SLC25A33: variants seen among roughly 807,000 people sequenced by gnomAD.
SLC25A33 encodes the protein solute carrier family 25 member 33.
A neutral mutation model predicts 35.5 loss-of-function variants in SLC25A33; 15 were observed. That is an observed-to-expected ratio of 0.42 (90% confidence interval 0.28 to 0.65). The LOEUF (loss-of-function observed/expected upper bound fraction) is 0.65, where lower values mean the gene tolerates loss of function less well. Among genes scored for constraint, SLC25A33 ranks in the 30% least tolerant of loss-of-function variants. The pLI is 0.20. For synonymous variants in SLC25A33, 136 were observed against 148.7 expected (o/e 0.91, Z 0.62); for missense variants, 257 against 398.5 (o/e 0.64, Z 3.02).
At chr1:9,545,645 C>T (rs2100368380) in intron 1 of SLC25A33, among the ~76,000 whole-genome samples, 1 of 150,864 alleles carries the variant, frequency 6.6e-6, no homozygotes, top group Non-Finnish European at 1.5e-5. Context: ...TCGTGATCCA[C>T]CCGCCTGGGA....
intron 2 of SLC25A33, among the ~76,000 whole-genome samples, chr1:9,566,422 A>C (rs1017310041): frequency 2.0e-5 from 3 of 152,218 alleles, no homozygotes; most frequent in Middle Eastern, 3.2e-3. Context: ...TAAATCCAAA[A>C]GAAATCTCTG....
At chr1:9,573,456 A>AT (rs368488406) in intron 5 of SLC25A33, 44 bp downstream of exon 5, 821 of 1,530,402 alleles carry the variant, frequency 5.4e-4, no homozygotes, top group Middle Eastern at 8.6e-4. Context: ...GATTTTTGGG[A>AT]TTTTTTTTTC....
At position 9,582,266 on chromosome 1, in the gene SLC25A33, T is replaced by A; in HGVS notation, c.764-33T>A. The A allele has an allele frequency of 6.2e-7, 1 of 1,608,294 alleles. No homozygotes were observed. The highest frequency in any genetic ancestry group is 8.5e-7 in the Non-Finnish European group (1 of 1,174,844). On this transcript the variant is annotated intron_variant, in intron 6 of 6. Coordinates refer to ENST00000302692, the MANE Select transcript of SLC25A33 (RefSeq NM_032315.3). The surrounding 1 kb of genome is among the most constrained non-coding windows in gnomAD (Gnocchi z 4.0). Reference sequence around the variant, plus strand: ...CTGTGGATTCGTTCCCCATTTAATATGTGGCGTAAAGTAGGTCTTTCTCTC... The same window carrying A: ...CTGTGGATTCGTTCCCCATTTAATAAGTGGCGTAAAGTAGGTCTTTCTCTC...
intron 5 of SLC25A33, among the ~76,000 whole-genome samples, chr1:9,575,389 G>A (rs1441406459): frequency 6.6e-6 from 1 of 151,866 alleles, no homozygotes; most frequent in South Asian, 2.1e-4. Flanking sequence ...GGCCGAGGCG[G>A]GTGGGTCACA....
At chr1:9,550,759 G>C (rs1247943946) in intron 1 of SLC25A33, among the ~76,000 whole-genome samples, 1 of 151,876 alleles carries the variant, frequency 6.6e-6, no homozygotes, top group East Asian at 1.9e-4. Flanking sequence ...TGCAACCTCT[G>C]CCTCCTGGTC....
intron 2 of SLC25A33, among the ~76,000 whole-genome samples, chr1:9,555,102 A>G (rs1162738288): frequency 2.1e-5 from 3 of 144,850 alleles, no homozygotes; most frequent in Non-Finnish European, 3.0e-5. Flanking sequence ...AAAACAACGC[A>G]TTTAGCACTT....
intron 1 of SLC25A33, among the ~76,000 whole-genome samples, chr1:9,540,324 GTC>G (rs1441135257): frequency 3.3e-5 from 5 of 152,214 alleles, no homozygotes; most frequent in Admixed American, 2.0e-4. Context: ...CTCATATGAG[GTC>G]TGGAAGGTGT....
chr1:9,550,527 T>G (rs1643251830), intron 1 of SLC25A33, among the ~76,000 whole-genome samples: 1 of 152,172 alleles, frequency 6.6e-6, no homozygotes, highest in Non-Finnish European at 1.5e-5. Context: ...ATTTCTTTAT[T>G]TTACTACGTA....
chr1:9,573,692 G>A (rs1643621387), intron 5 of SLC25A33, among the ~76,000 whole-genome samples: 1 of 152,150 alleles, frequency 6.6e-6, no homozygotes, highest in Non-Finnish European at 1.5e-5. Flanking sequence ...GTCAGTGACT[G>A]TCTCTCCTTT....
At chr1:9,580,863 A>AT (rs1557539018) in intron 6 of SLC25A33, among the ~76,000 whole-genome samples, 92 of 121,156 alleles carry the variant, frequency 7.6e-4, no homozygotes, top group African/African-American at 2.2e-3. Context: ...TCAAAAAAAA[A>AT]AAAATAATAA....
At chr1:9,549,001 G>A (rs1379094132) in intron 1 of SLC25A33, among the ~76,000 whole-genome samples, 1 of 152,142 alleles carries the variant, frequency 6.6e-6, no homozygotes, top group African/African-American at 2.4e-5. Flanking sequence ...CTCTGTCCCC[G>A]GCCCCTAGTA....
rs1457483156 is a variant in SLC25A33, at chr1:9,585,052, C to T, written c.*2551C>T. The T allele has an allele frequency of 6.6e-6, 1 of 152,214 alleles. No homozygotes were observed. The highest frequency in any genetic ancestry group is 6.5e-5 in the Admixed American group (1 of 15,280). 9.4% of individuals were successfully genotyped at this position (152,214 alleles called of 1,614,324 possible). A position where few individuals can be genotyped will look rare whatever the true frequency, so the allele number is the denominator to read the frequency against. On this transcript the variant is annotated 3_prime_UTR_variant, in exon 7 of 7. Coordinates refer to ENST00000302692, the MANE Select transcript of SLC25A33 (RefSeq NM_032315.3). ...TTTTAATATTCATATTCGATGATGGCACTTAGCAACATCCTCCTATATCCA... is the reference window on the plus strand; with the variant it reads ...TTTTAATATTCATATTCGATGATGGTACTTAGCAACATCCTCCTATATCCA...
chr1:9,557,439 T>G (rs991874843), intron 2 of SLC25A33, among the ~76,000 whole-genome samples: 1 of 152,120 alleles, frequency 6.6e-6, no homozygotes, highest in African/African-American at 2.4e-5. Flanking sequence ...CATGCCTGTA[T>G]TCCTAGCACT....
At chr1:9,561,235 G>A (rs1222505783) in intron 2 of SLC25A33, among the ~76,000 whole-genome samples, 11 of 152,184 alleles carry the variant, frequency 7.2e-5, no homozygotes, top group East Asian at 5.8e-4. Flanking sequence ...GAGCCACCGC[G>A]CGCAGCCCTC....
At chr1:9,560,545 CAG>C (rs1643408980) in intron 2 of SLC25A33, among the ~76,000 whole-genome samples, 1 of 151,930 alleles carries the variant, frequency 6.6e-6, no homozygotes, top group Non-Finnish European at 1.5e-5. Context: ...GTCTGGGTAA[CAG>C]AGCAAGACTC....
intron 1 of SLC25A33, among the ~76,000 whole-genome samples, chr1:9,550,000 T>C (rs1348151589): frequency 1.6e-5 from 1 of 62,956 alleles, no homozygotes; most frequent in African/African-American, 6.6e-5. Context: ...TCTATACATA[T>C]ATATATATAT....
chr1:9,572,334 G>A (rs982870930), intron 4 of SLC25A33, among the ~76,000 whole-genome samples: 8 of 152,136 alleles, frequency 5.3e-5, no homozygotes, highest in Non-Finnish European at 7.4e-5. Flanking sequence ...AGTGTCAGCC[G>A]GGCTTGGTGG....
Position 9,573,613 on chromosome 1 carries a change from A to T in SLC25A33, c.482+201A>T, listed in dbSNP as rs559853537. 3.3e-5 allele frequency among the ~76,000 whole-genome samples: 5 copies of T among 152,248 alleles called. No individual in the cohort carries two copies. The East Asian group carries it at 9.6e-4, about 29-fold the overall frequency. ...GGAAGATGAGGGCGACAGAGATGAC[A>T]AACAGGGGAAGGAGGGGATATCTCT... On this transcript the variant is annotated intron_variant, in intron 5 of 6. Coordinates refer to ENST00000302692, the MANE Select transcript of SLC25A33 (RefSeq NM_032315.3).
At chr1:9,568,583 G>A (rs2100400932) in intron 3 of SLC25A33, among the ~76,000 whole-genome samples, 1 of 152,278 alleles carries the variant, frequency 6.6e-6, no homozygotes, top group East Asian at 1.9e-4. Flanking sequence ...CGGGTGCGGT[G>A]GCTCACGCCT....
Sources: gnomAD v4.1 joint callset for allele counts (sites outside exome capture counted in the v4.1 genomes callset) on GRCh38, gnomAD v4.1.1 for gene constraint, Gnocchi (gnomAD v3.1) non-coding constraint, MANE v1.5 for transcripts, NCBI Gene and HGNC (gene_info 2026-07-23, HGNC 2026-07-21) for gene names.